SYNE2: variants seen among roughly 807,000 people sequenced by gnomAD.
SYNE2 encodes the protein spectrin repeat containing nuclear envelope protein 2.
SYNE2 carries 431 observed loss-of-function variants against 856.3 expected under a neutral mutation model. The ratio of observed to expected loss-of-function variants is 0.50; its 90% confidence interval spans 0.47 to 0.55. The LOEUF (loss-of-function observed/expected upper bound fraction) is 0.55, where lower values mean the gene tolerates loss of function less well. SYNE2 is among the 20% of genes least tolerant of loss of function. The pLI is 0.00. For missense variants in SYNE2, 8,129 were observed against 8,023.2 expected (o/e 1.01, Z -0.50); for synonymous variants, 2,923 against 2,872.3 (o/e 1.02, Z -0.56).
At chr14:64,129,256 G>A (rs2097985721) in intron 74 of SYNE2, among the ~76,000 whole-genome samples, 1 of 152,200 alleles carries the variant, frequency 6.6e-6, no homozygotes, top group Non-Finnish European at 1.5e-5. Context: ...GCAGTGAACT[G>A]AGATTGTGCC....
At chr14:64,021,823 A>T in intron 36 of SYNE2, 34 bp from the exon 37 acceptor site, 1 of 1,610,950 alleles carries the variant, frequency 6.2e-7, no homozygotes, top group Non-Finnish European at 8.5e-7. Context: ...GCCTGTTTTA[A>T]GATTTAATGG....
At chr14:64,217,421 C>A (rs778123760) in intron 108 of SYNE2, among the ~76,000 whole-genome samples, 1 of 152,170 alleles carries the variant, frequency 6.6e-6, no homozygotes, top group South Asian at 2.1e-4. Flanking sequence ...AGGGCAGCAG[C>A]GAGAGAAATT....
rs138875158 is a variant in SYNE2, at chr14:63,912,777, G to A, written c.79+3550G>A. On this transcript the variant is annotated intron_variant, in intron 2 of 115. Coordinates refer to ENST00000555002, the MANE Select transcript of SYNE2 (RefSeq NM_182914.3). ...AATATGCTATGAAAGCATATAGCCCGTATGTACAGGGCCTAAAAGGAATCA... is the reference window on the plus strand; with the variant it reads ...AATATGCTATGAAAGCATATAGCCCATATGTACAGGGCCTAAAAGGAATCA... Among the ~76,000 whole-genome samples the A allele has an allele frequency of 4.3e-3, 657 of 152,298 alleles. 17 individuals carry two copies. Among genetic ancestry groups the A allele is most frequent in the Admixed American group, 0.038 (587 of 15,300 alleles).
chr14:64,159,676 A>G (rs2098313058), intron 87 of SYNE2, among the ~76,000 whole-genome samples: 1 of 152,208 alleles, frequency 6.6e-6, no homozygotes, highest in East Asian at 1.9e-4. Flanking sequence ...GCCTAATAAC[A>G]ACCCCAGTGT....
intron 87 of SYNE2, among the ~76,000 whole-genome samples, chr14:64,160,525 A>G (rs2098321083): frequency 1.3e-5 from 2 of 152,216 alleles, no homozygotes; most frequent in Admixed American, 1.3e-4. Context: ...CAGTGAATAT[A>G]TGTTGTATTT....
chr14:64,127,219 C>G (rs78587222), intron 73 of SYNE2, among the ~76,000 whole-genome samples: 1 of 151,640 alleles, frequency 6.6e-6, no homozygotes, highest in African/African-American at 2.4e-5. Context: ...TGAGATCACA[C>G]GACTGCACTC....
chr14:64,055,367 C>CT (rs35956880), intron 48 of SYNE2, among the ~76,000 whole-genome samples: 11,061 of 131,862 alleles, frequency 0.084, 1,016 homozygotes, highest in African/African-American at 0.2. Flanking sequence ...CTGAAAATAA[C>CT]TTTTTTTTTT....
intron 1 of SYNE2, among the ~76,000 whole-genome samples, chr14:63,902,626 G>A (rs116175288): frequency 3.1e-3 from 473 of 151,904 alleles, no homozygotes; most frequent in African/African-American, 0.011. Flanking sequence ...CTAGAGACCC[G>A]GGAGACTCAA....
chr14:64,003,452 T>C lies in SYNE2; in HGVS notation c.4397+122T>C, dbSNP rs576835763. On this transcript the variant is annotated intron_variant, in intron 30 of 115. Transcript: ENST00000555002. The stretch of plus-strand genomic sequence containing the variant: ...TTCTATTCCATCCCACTCTATTCAG[T>C]GTTCAGCATTCTTTTCTGTAGACTT... The C allele has an allele frequency of 1.6e-5, 21 of 1,289,218 alleles. No individual in the cohort carries two copies. In the South Asian group the frequency reaches 2.2e-4, roughly 13 times the overall value. 79.9% of individuals were successfully genotyped at this position (1,289,218 alleles called of 1,614,324 possible).
At chr14:64,030,126 T>A in intron 44 of SYNE2, 67 bp downstream of exon 44, 2 of 1,482,138 alleles carry the variant, frequency 1.3e-6, no homozygotes, top group Non-Finnish European at 1.9e-6. Flanking sequence ...ACAGTGTGAT[T>A]AATCAGTGTC....
intron 51 of SYNE2, among the ~76,000 whole-genome samples, chr14:64,069,886 A>G (rs1050999736): frequency 1.3e-5 from 2 of 152,212 alleles, no homozygotes; most frequent in African/African-American, 4.8e-5. Flanking sequence ...TGACTGCAAG[A>G]TCCATGAATG....
intron 1 of SYNE2, among the ~76,000 whole-genome samples, chr14:63,806,876 T>A (rs563133463): frequency 0.026 from 3,080 of 119,034 alleles, 43 homozygotes; most frequent in Admixed American, 0.044. Flanking sequence ...AAACTTAAAA[T>A]TTTTTTTTTT....
chr14:64,003,016 A>C lies in SYNE2; in HGVS notation c.4083A>C (p.Lys1361Asn). 3 of 1,614,202 alleles carry C rather than the reference A, an allele frequency of 1.9e-6. No individual in the cohort carries two copies. Among genetic ancestry groups the C allele is most frequent in the Non-Finnish European group, 2.5e-6 (3 of 1,180,042 alleles). The change falls in exon 30 of 116, where the codon AAA becomes AAC. Residue 1361 changes from lysine (K) to asparagine (N), a missense_variant. Around this residue, in one of 3 missense-constraint regions of SYNE2, gnomAD observed 2,422 missense variants for 2,357.4 expected, o/e 1.03. Coordinates refer to ENST00000555002, the MANE Select transcript of SYNE2 (RefSeq NM_182914.3). ...QVAQENTLTV[K>N]NKEGEIHLMK... ...CACAAGAAAATACGTTGACAGTAAA[A>C]AATAAAGAGGGAGAAATTCATCTGA...
At chr14:63,899,056 C>T (rs999512919) in intron 1 of SYNE2, among the ~76,000 whole-genome samples, 1 of 152,182 alleles carries the variant, frequency 6.6e-6, no homozygotes, top group Admixed American at 6.5e-5. Flanking sequence ...CCTGGCAGCA[C>T]CATTCTACTG....
chr14:64,209,842 G>T, intron 102 of SYNE2, 100 bp from the exon 103 acceptor site: 2 of 1,516,750 alleles, frequency 1.3e-6, no homozygotes, highest in Non-Finnish European at 1.8e-6. Flanking sequence ...TTGCAGTTTG[G>T]GGATGAACCC....
At chr14:63,964,417 A>G (rs2096363240) in intron 10 of SYNE2, among the ~76,000 whole-genome samples, 3 of 152,242 alleles carry the variant, frequency 2.0e-5, no homozygotes, top group Non-Finnish European at 2.9e-5. Flanking sequence ...AGTAGTCGTG[A>G]TAGAGACCAT....
At chr14:63,825,402 A>G (rs957308272) in intron 1 of SYNE2, among the ~76,000 whole-genome samples, 1 of 152,186 alleles carries the variant, frequency 6.6e-6, no homozygotes, top group Non-Finnish European at 1.5e-5. Flanking sequence ...CCAAGGTTGC[A>G]AGATATAAGA....
At chr14:63,805,494 C>T (rs1211345204) in intron 1 of SYNE2, among the ~76,000 whole-genome samples, 1 of 152,202 alleles carries the variant, frequency 6.6e-6, no homozygotes, top group African/African-American at 2.4e-5. Flanking sequence ...TCACGCCATT[C>T]TCCTGCCTCA....
chr14:64,165,821 C>T (rs2098374358), intron 90 of SYNE2, among the ~76,000 whole-genome samples: 1 of 152,158 alleles, frequency 6.6e-6, no homozygotes, highest in African/African-American at 2.4e-5. Flanking sequence ...GCCTAACTCA[C>T]CCTTGAGCAC....
Sources: gnomAD v4.1 joint callset for allele counts (sites outside exome capture counted in the v4.1 genomes callset) on GRCh38, gnomAD v4.1.1 for gene constraint, gnomAD v4.1.1 regional missense constraint, MANE v1.5 for transcripts, NCBI Gene and HGNC (gene_info 2026-07-23, HGNC 2026-07-21) for gene names.